The following CRMP1 variants were observed in gnomAD, a reference collection of about 807,000 sequenced individuals.
The protein encoded by CRMP1 is dihydropyrimidinase-related protein 1.
Under a neutral mutation model 68.3 loss-of-function variants are expected in CRMP1, and 19 were observed. The ratio of observed to expected loss-of-function variants is 0.28; its 90% confidence interval spans 0.19 to 0.41. The LOEUF (loss-of-function observed/expected upper bound fraction) is 0.41, where lower values mean the gene tolerates loss of function less well. Among genes scored for constraint, CRMP1 ranks in the 10% least tolerant of loss-of-function variants. CRMP1 has a pLI of 1.00. For missense variants in CRMP1, 791 were observed against 967.4 expected, an observed-to-expected ratio of 0.82 and a Z score of 2.42; for synonymous variants, 439 against 399.6, an observed-to-expected ratio of 1.10 and a Z score of -1.18.
chr4:5,823,760 G>C (rs937714975), intron 13 of CRMP1, among the ~76,000 whole-genome samples: 1 of 152,140 alleles, frequency 6.6e-6, no homozygotes, highest in African/African-American at 2.4e-5. Context: ...CTGGCACCGT[G>C]CTGCTTGTAC....
intron 12 of CRMP1, among the ~76,000 whole-genome samples, chr4:5,827,331 C>T (rs1048929382): frequency 2.6e-5 from 4 of 152,202 alleles, no homozygotes; most frequent in African/African-American, 9.6e-5. Flanking sequence ...TGTGCCTGGC[C>T]TTGTCTCGGA....
In CRMP1 at chr4:5,821,901, C is replaced by A. The variant is rs747541075; in HGVS notation, c.1970-50G>T. 23 of 1,383,338 alleles carry A rather than the reference C, an allele frequency of 1.7e-5. No individual in the cohort carries two copies. Among genetic ancestry groups the A allele is most frequent in the Non-Finnish European group, 2.2e-5 (23 of 1,030,734 alleles). 85.7% of individuals were successfully genotyped at this position (1,383,338 alleles called of 1,614,324 possible). A position where few individuals can be genotyped will look rare whatever the true frequency, so the allele number is the denominator to read the frequency against. On this transcript the variant is annotated intron_variant, in intron 13 of 13. Coordinates refer to ENST00000324989, the MANE Select transcript of CRMP1 (RefSeq NM_001014809.3). The surrounding 1 kb of genome is among the most constrained non-coding windows in gnomAD (Gnocchi z 4.4). ...TGGATGGGATCTGTTAGCATCAGTT[C>A]CACGCTGCTCCTGGAGGCCATGTAC...
Position 5,825,086 on chromosome 4 carries a change from C to T in CRMP1, c.1969+408G>A, listed in dbSNP as rs1243832829. On this transcript the variant is annotated intron_variant, in intron 13 of 13. Transcript: ENST00000324989. This position sits in a 1 kb window ranked among gnomAD's most constrained non-coding sequence, Gnocchi z 4.4. ...GGTTATGAAAGTGCTTAGTACACTG[C>T]AGTGGGTGAACAGGCTAAAGACTTA... 2.0e-6 allele frequency: 2 copies of T among 985,392 alleles called. No individual in the cohort carries two copies. Among genetic ancestry groups the T allele is most frequent in the East Asian group, 1.1e-4 (1 of 8,808 alleles). The allele number at this position is 985,392 out of a possible 1,614,324, so 61.0% of individuals were successfully genotyped here.
intron 9 of CRMP1, among the ~76,000 whole-genome samples, chr4:5,837,186 T>G (rs886796132): frequency 1.3e-5 from 2 of 152,234 alleles, no homozygotes; most frequent in African/African-American, 2.4e-5. Context: ...GCCAGAGTGT[T>G]TGTGCTGTGC....
In CRMP1 at chr4:5,850,178, T is replaced by G. The variant is rs959685393; in HGVS notation, c.883-706A>C. The stretch of plus-strand genomic sequence containing the variant: ...GAACCTCAACTTTGTTCTCCATGCA[T>G]GCAAGACAACATCCCCTCGGATGTC... On this transcript the variant is annotated intron_variant, in intron 5 of 13. Coordinates refer to ENST00000324989, the MANE Select transcript of CRMP1 (RefSeq NM_001014809.3). This position sits in a 1 kb window ranked among gnomAD's most constrained non-coding sequence, Gnocchi z 4.4. Among the ~76,000 whole-genome samples the G allele has an allele frequency of 3.3e-5, 5 of 152,158 alleles. No homozygotes were observed. The highest frequency in any genetic ancestry group is 1.2e-4 in the African/African-American group (5 of 41,432).
At chr4:5,848,535 T>C (rs1378798818) in intron 6 of CRMP1, among the ~76,000 whole-genome samples, 1 of 152,342 alleles carries the variant, frequency 6.6e-6, no homozygotes, top group East Asian at 1.9e-4. Context: ...CAGCTAGAAT[T>C]ATCAAAATAT....
In CRMP1 at chr4:5,841,470, G is replaced by T. The variant is rs765200646; in HGVS notation, c.1033-42C>A. 2 of 1,608,832 alleles carry T rather than the reference G, an allele frequency of 1.2e-6. No homozygotes were observed. The highest frequency in any genetic ancestry group is 1.7e-6 in the Non-Finnish European group (2 of 1,176,154). On this transcript the variant is annotated intron_variant, in intron 7 of 13. Coordinates refer to ENST00000324989, the MANE Select transcript of CRMP1 (RefSeq NM_001014809.3). This position sits in a 1 kb window ranked among gnomAD's most constrained non-coding sequence, Gnocchi z 6.9. Reference sequence around the variant, plus strand: ...CAGTGTCACAGGAGGGAAGGCTGGTGTAACAGCTACCACCCATCTCCATTT... The same window carrying T: ...CAGTGTCACAGGAGGGAAGGCTGGTTTAACAGCTACCACCCATCTCCATTT...
At chr4:5,824,839 G>T (rs986899115) in intron 13 of CRMP1, 7 of 985,260 alleles carry the variant, frequency 7.1e-6, no homozygotes, top group African/African-American at 1.7e-5. Context: ...ACGTGTGCGT[G>T]CCTGCCCTCA....
Position 5,872,278 on chromosome 4 carries a change from A to C in CRMP1, c.382-5522T>G, listed in dbSNP as rs1714510692. Among the ~76,000 whole-genome samples, 1 of 152,080 alleles carries C rather than the reference A, an allele frequency of 6.6e-6. No individual in the cohort carries two copies. The highest frequency in any genetic ancestry group is 1.5e-5 in the Non-Finnish European group (1 of 68,006). On this transcript the variant is annotated intron_variant, in intron 1 of 13. Transcript: ENST00000324989. This position sits in a 1 kb window ranked among gnomAD's most constrained non-coding sequence, Gnocchi z 4.6. The stretch of plus-strand genomic sequence containing the variant: ...TATGTTTTTAAAATTAATAACACCA[A>C]ATTCACATATTTATAAAAAAAAATA...
chr4:5,826,657 C>T (rs1478842861), intron 12 of CRMP1: 1 of 152,322 alleles, frequency 6.6e-6, no homozygotes, highest in Non-Finnish European at 1.5e-5. Flanking sequence ...GCACCTGCTC[C>T]AGGCACTGGA....
rs1440756454 is a variant in CRMP1, at chr4:5,853,126, A to G, written c.821-1657T>C. ...GCATTTAAGCTGATTAGAAAATAAAAACACAGGTGGGAGCAGTGGCTCACG... is the reference window on the plus strand; with the variant it reads ...GCATTTAAGCTGATTAGAAAATAAAGACACAGGTGGGAGCAGTGGCTCACG... On this transcript the variant is annotated intron_variant, in intron 4 of 13. Coordinates refer to ENST00000324989, the MANE Select transcript of CRMP1 (RefSeq NM_001014809.3). The surrounding 1 kb of genome is among the most constrained non-coding windows in gnomAD (Gnocchi z 4.7). Among the ~76,000 whole-genome samples, 1 of 152,206 alleles carries G rather than the reference A, an allele frequency of 6.6e-6. No individual in the cohort carries two copies. The highest frequency in any genetic ancestry group is 2.4e-5 in the African/African-American group (1 of 41,454).
rs1577797835 is a variant in CRMP1 at position 5,856,027 on chromosome 4, G to T, written c.820+116C>A. 9.8e-6 allele frequency: 12 copies of T among 1,224,102 alleles called. No individual in the cohort carries two copies. In the East Asian group the frequency reaches 2.6e-4, roughly 27 times the overall value. 75.8% of individuals were successfully genotyped at this position (1,224,102 alleles called of 1,614,324 possible). Reference sequence around the variant, plus strand: ...CCTCACTGTCACGTGGCAGAGTGCAGCTCATAATCAGGCTCAGAACAGATG... The same window carrying T: ...CCTCACTGTCACGTGGCAGAGTGCATCTCATAATCAGGCTCAGAACAGATG... On this transcript the variant is annotated intron_variant, in intron 4 of 13. Transcript: ENST00000324989.
rs1170003700 is a variant in CRMP1 at position 5,883,707 on chromosome 4, G to GCTAC, written c.381+8878_381+8881dup. Reference sequence around the variant, plus strand: ...GCTTGCCCACCACACCTGCTGGTTAGCTACCATTCTGAATTTTCATTTCCT... The same window carrying GCTAC: ...GCTTGCCCACCACACCTGCTGGTTAGCTACCTACCATTCTGAATTTTCATTTCCT... On this transcript the variant is annotated intron_variant, in intron 1 of 13. Coordinates refer to ENST00000324989, the MANE Select transcript of CRMP1 (RefSeq NM_001014809.3). The surrounding 1 kb of genome is among the most constrained non-coding windows in gnomAD (Gnocchi z 4.5). 6.6e-6 allele frequency among the ~76,000 whole-genome samples: 1 copy of GCTAC among 150,714 alleles called. No homozygotes were observed. The highest frequency in any genetic ancestry group is 6.6e-5 in the Admixed American group (1 of 15,184).
intron 1 of CRMP1, among the ~76,000 whole-genome samples, chr4:5,871,210 C>T (rs941266701): frequency 1.3e-5 from 2 of 152,218 alleles, no homozygotes; most frequent in Admixed American, 6.5e-5. Flanking sequence ...GGAAGCCAAG[C>T]ACTGATTCAA....
At position 5,881,311 on chromosome 4, in the gene CRMP1, A is replaced by G. The variant is rs963399692; in HGVS notation, c.381+11278T>C. On this transcript the variant is annotated intron_variant, in intron 1 of 13. Transcript: ENST00000324989. The surrounding 1 kb of genome is among the most constrained non-coding windows in gnomAD (Gnocchi z 4.6). ...CCAATTCAGAGTTGTTTCTTCTCAGAGCAAAGCTATGATTTGGTCATTACA... is the reference window on the plus strand; with the variant it reads ...CCAATTCAGAGTTGTTTCTTCTCAGGGCAAAGCTATGATTTGGTCATTACA... Among the ~76,000 whole-genome samples, 2 of 152,194 alleles carry G rather than the reference A, an allele frequency of 1.3e-5. No homozygotes were observed. Among genetic ancestry groups the G allele is most frequent in the African/African-American group, 2.4e-5 (1 of 41,444 alleles).
intron 1 of CRMP1, among the ~76,000 whole-genome samples, chr4:5,867,799 A>G (rs1714102927): frequency 6.6e-6 from 1 of 152,140 alleles, no homozygotes; most frequent in African/African-American, 2.4e-5. Context: ...GAAAGCGCAG[A>G]CCCAGAAAAT....
chr4:5,831,874 ATT>A (rs1348366177), intron 11 of CRMP1, among the ~76,000 whole-genome samples: 1 of 152,166 alleles, frequency 6.6e-6, no homozygotes, highest in East Asian at 1.9e-4. Context: ...CATGAGCCCC[ATT>A]TCCCTGGTCC....
In CRMP1 at chr4:5,854,142, G is replaced by A. The variant is rs1484868977; in HGVS notation, c.820+2001C>T. Among the ~76,000 whole-genome samples the A allele has an allele frequency of 6.6e-6, 1 of 152,186 alleles. No individual in the cohort carries two copies. Among genetic ancestry groups the A allele is most frequent in the Admixed American group, 6.5e-5 (1 of 15,288 alleles). ...GCGGCAACCTGGGGAAAATTGCTCA[G>A]AACTTAACATTAGGTAAGGAAAGTA... is the stretch of plus-strand genomic sequence containing the variant. On this transcript the variant is annotated intron_variant, in intron 4 of 13. Transcript: ENST00000324989. The surrounding 1 kb of genome is among the most constrained non-coding windows in gnomAD (Gnocchi z 4.0).
In CRMP1 at chr4:5,828,550, C is replaced by T. The variant is rs1405146741; in HGVS notation, c.1742G>A (p.Arg581His). 5.0e-6 allele frequency: 8 copies of T among 1,614,224 alleles called. No homozygotes were observed. The highest frequency in any genetic ancestry group is 2.2e-5 in the East Asian group (1 of 44,882). ...GNINVNKGMGRFIPRKAFPEH... is the reference protein window; with the variant it reads ...GNINVNKGMGHFIPRKAFPEH... ...CGGGAACGCCTTCCGCGGAATGAAG[C>T]GGCCCATGCCCTTGTTGACGTTGAT... is the stretch of plus-strand genomic sequence containing the variant. The change falls in exon 12 of 14, where the codon CGC becomes CAC. Residue 581 changes from arginine (R) to histidine (H), a missense_variant. Arg to His is a conservative substitution (Grantham distance 29). Coordinates refer to ENST00000324989, the MANE Select transcript of CRMP1 (RefSeq NM_001014809.3).
Sources: allele counts gnomAD v4.1 joint callset (sites outside exome capture counted in the v4.1 genomes callset), GRCh38; gene constraint gnomAD v4.1.1; non-coding constraint Gnocchi (gnomAD v3.1); transcripts MANE v1.5; gene names NCBI Gene and HGNC (gene_info 2026-07-23, HGNC 2026-07-21).